The following PALM2AKAP2 variants were observed in gnomAD, a reference collection of about 807,000 sequenced individuals.
PALM2AKAP2 encodes PALM2 and AKAP2 fusion, also known as PALM2-AKAP2 fusion protein.
Under a neutral mutation model 71.5 loss-of-function variants are expected in PALM2AKAP2, and 37 were observed. That is an observed-to-expected ratio of 0.52 (90% CI 0.40 to 0.68). The LOEUF is 0.68. Among genes scored for constraint, PALM2AKAP2 ranks in the 30% least tolerant of loss-of-function variants. PALM2AKAP2 has a pLI of 0.00. For synonymous variants in PALM2AKAP2, 468 were observed against 478.8 expected (o/e 0.98, Z 0.29); for missense variants, 1,224 against 1,191.8 (o/e 1.03, Z -0.40).
chr9:109,697,621 C>T (rs1384888657), intron 1 of PALM2AKAP2, among the ~76,000 whole-genome samples: 4 of 151,854 alleles, frequency 2.6e-5, no homozygotes, highest in East Asian at 3.9e-4. Context: ...TTTCTTCTGC[C>T]CTTAGGAATA....
intron 1 of PALM2AKAP2, among the ~76,000 whole-genome samples, chr9:109,814,546 G>A (rs1827805399): frequency 1.3e-5 from 2 of 152,176 alleles, no homozygotes; most frequent in African/African-American, 4.8e-5. Context: ...TCACTCATAT[G>A]CAGAATAAGT....
intron 1 of PALM2AKAP2, among the ~76,000 whole-genome samples, chr9:110,092,738 G>A (rs1193044788): frequency 5.3e-5 from 8 of 152,088 alleles, no homozygotes; most frequent in Non-Finnish European, 1.2e-4. Flanking sequence ...GATGTTATCC[G>A]CCTCTCTTTC....
chr9:109,937,087 G>A (rs1452775147), intron 6 of PALM2AKAP2, among the ~76,000 whole-genome samples: 1 of 152,160 alleles, frequency 6.6e-6, no homozygotes, highest in Non-Finnish European at 1.5e-5. Flanking sequence ...AGCCCTTGCA[G>A]TTGCTTTCAC....
chr9:110,137,146 T>A lies in PALM2AKAP2; in HGVS notation c.1176T>A (p.His392Gln), dbSNP rs141692353. Residue 392 changes from histidine to glutamine, a missense_variant, in exon 2 of 4, where the codon CAT becomes CAA. Transcript: ENST00000374525. The stretch of plus-strand genomic sequence containing the variant: ...TCTGCACAGCCCCTGCCTCTTCTCA[T>A]GAACGCGCAAGCATGATTGACAAAG... The A allele has an allele frequency of 5.0e-6, 8 of 1,613,556 alleles. No homozygotes were observed. In the Admixed American group the frequency reaches 8.3e-5, roughly 17 times the overall value.
chr9:109,771,703 A>G (rs1829266560), intron 1 of PALM2AKAP2, among the ~76,000 whole-genome samples: 1 of 152,316 alleles, frequency 6.6e-6, no homozygotes, highest in African/African-American at 2.4e-5. Flanking sequence ...TAGTGTAAGA[A>G]GGGCTCACTC....
chr9:109,828,957 T>G (rs1368555831), intron 1 of PALM2AKAP2, among the ~76,000 whole-genome samples: 2 of 152,198 alleles, frequency 1.3e-5, no homozygotes, highest in African/African-American at 4.8e-5. Flanking sequence ...GGTGTAGAAG[T>G]TTTTTGACAG....
At chr9:109,978,521 G>A (rs549988767) in intron 6 of PALM2AKAP2, among the ~76,000 whole-genome samples, 1 of 152,300 alleles carries the variant, frequency 6.6e-6, no homozygotes, top group South Asian at 2.1e-4. Flanking sequence ...CCCTGAAAAG[G>A]AGCATCTGCG....
At chr9:109,867,256 C>T (rs569175251) in intron 1 of PALM2AKAP2, 1 of 437,234 alleles carries the variant, frequency 2.3e-6, no homozygotes. Flanking sequence ...ATTCTTGCAG[C>T]CTGGCTGAGT....
chr9:109,811,940 A>G (rs1245172047), intron 1 of PALM2AKAP2, among the ~76,000 whole-genome samples: 3 of 152,268 alleles, frequency 2.0e-5, no homozygotes, highest in African/African-American at 7.2e-5. Flanking sequence ...ACTGTAGATG[A>G]ATCCCAGTGC....
chr9:109,684,185 T>C lies in PALM2AKAP2; in HGVS notation c.5+43319T>C, dbSNP rs181907039. On this transcript the variant is annotated intron_variant, in intron 1 of 6. Transcript: ENST00000374531. ...TAGGAAGGTAGTCCTTTCTGATACA[T>C]GGGCTCTGCCCTCCTTTCTATCAGT... Among the ~76,000 whole-genome samples, 179 of 152,304 alleles carry C rather than the reference T, an allele frequency of 1.2e-3. 1 individual carries two copies. The highest frequency in any genetic ancestry group is 4.0e-3 in the African/African-American group (168 of 41,568).
At chr9:109,816,983 A>G (rs984581554) in intron 1 of PALM2AKAP2, among the ~76,000 whole-genome samples, 3 of 152,198 alleles carry the variant, frequency 2.0e-5, no homozygotes, top group African/African-American at 7.2e-5. Context: ...TTTAAAAACT[A>G]TAGGATGTAG....
intron 1 of PALM2AKAP2, among the ~76,000 whole-genome samples, chr9:109,750,455 C>A (rs1828869413): frequency 6.6e-6 from 1 of 152,006 alleles, no homozygotes; most frequent in African/African-American, 2.4e-5. Context: ...GTTCTGCTAC[C>A]ATGTTAAAAA....
chr9:109,754,546 T>A (rs1224365098), intron 1 of PALM2AKAP2, among the ~76,000 whole-genome samples: 9 of 152,134 alleles, frequency 5.9e-5, no homozygotes, highest in Admixed American at 5.9e-4. Flanking sequence ...CTCCTTCCCA[T>A]CTGTCTTAGT....
chr9:109,732,068 G>A (rs1431244887), intron 1 of PALM2AKAP2, among the ~76,000 whole-genome samples: 1 of 152,210 alleles, frequency 6.6e-6, no homozygotes, highest in African/African-American at 2.4e-5. Context: ...CAATGAGACA[G>A]GAAGACCCCA....
chr9:110,018,713 A>T (rs1490967696), intron 7 of PALM2AKAP2, among the ~76,000 whole-genome samples: 1 of 152,190 alleles, frequency 6.6e-6, no homozygotes, highest in African/African-American at 2.4e-5. Context: ...GTTCCTTCTC[A>T]CTAAGGAATT....
intron 6 of PALM2AKAP2, among the ~76,000 whole-genome samples, chr9:109,976,858 G>A (rs185513827): frequency 6.6e-6 from 1 of 152,304 alleles, no homozygotes; most frequent in Admixed American, 6.5e-5. Context: ...GTAAGTGGCT[G>A]AGCCAGGATG....
At chr9:109,924,994 G>A (rs1830919776) in intron 4 of PALM2AKAP2, 67 bp from the exon 5 acceptor site, 1 of 1,610,240 alleles carries the variant, frequency 6.2e-7, no homozygotes, top group South Asian at 1.1e-5. Context: ...AGTCTTTAAA[G>A]ATGGGAAAAG....
At chr9:109,756,659 A>G (rs1828968617) in intron 1 of PALM2AKAP2, among the ~76,000 whole-genome samples, 1 of 152,196 alleles carries the variant, frequency 6.6e-6, no homozygotes, top group Admixed American at 6.5e-5. Context: ...GTTGTGGGAT[A>G]TGGATTCAAA....
At chr9:110,128,119 G>A (rs1835655935) in intron 1 of PALM2AKAP2, 1 of 152,200 alleles carries the variant, frequency 6.6e-6, no homozygotes, top group Non-Finnish European at 1.5e-5. Flanking sequence ...TGCCTGGTTT[G>A]TCCAAAGCTG....
Sources: allele counts gnomAD v4.1 joint callset (sites outside exome capture counted in the v4.1 genomes callset), GRCh38; gene constraint gnomAD v4.1.1; transcripts MANE v1.5; gene names NCBI Gene and HGNC (gene_info 2026-07-23, HGNC 2026-07-21).